Variants in BSN observed in about 807,000 individuals in gnomAD.
BSN encodes bassoon presynaptic cytomatrix protein.
Under a neutral mutation model 264.8 loss-of-function variants are expected in BSN, and 57 were observed. That is an observed-to-expected ratio of 0.22 (90% confidence interval 0.17 to 0.27). The LOEUF is 0.27. BSN is among the 10% of genes least tolerant of loss of function. BSN has a pLI of 1.00. For synonymous variants in BSN, 2,059 were observed against 2,137.3 expected (o/e 0.96, Z 1.01); for missense variants, 4,615 against 5,232.5 (o/e 0.88, Z 3.64).
At chr3:49,592,099 ATTATTTATTTAT>A (rs940216921) in intron 1 of BSN, among the ~76,000 whole-genome samples, 3 of 151,664 alleles carry the variant, frequency 2.0e-5, no homozygotes, top group Non-Finnish European at 2.9e-5. Flanking sequence ...TTATTTCTCA[ATTATTTATTTAT>A]TTATTTATTT....
chr3:49,574,193 C>T (rs1404568833), intron 1 of BSN, among the ~76,000 whole-genome samples: 5 of 142,954 alleles, frequency 3.5e-5, no homozygotes, highest in African/African-American at 1.0e-4. Flanking sequence ...GTCTTGAACT[C>T]CTGGGCTAAA....
intron 1 of BSN, among the ~76,000 whole-genome samples, chr3:49,606,514 C>G (rs1179966331): frequency 6.6e-6 from 1 of 151,000 alleles, no homozygotes; most frequent in Non-Finnish European, 1.5e-5. Flanking sequence ...TAAGGCAAGT[C>G]CTATGAATTG....
intron 1 of BSN, among the ~76,000 whole-genome samples, chr3:49,595,148 C>G (rs2052012046): frequency 4.0e-5 from 6 of 151,748 alleles, no homozygotes; most frequent in Admixed American, 3.9e-4. Context: ...CTTGACCTCC[C>G]AAAGTGCTGG....
In BSN at chr3:49,655,794, G is replaced by A. The variant is rs753119246; in HGVS notation, c.6238G>A (p.Val2080Ile). The change falls in exon 5 of 12, where the codon GTT becomes ATT. Residue 2080 changes from valine to isoleucine, a missense_variant. Val to Ile is a conservative substitution (Grantham distance 29). This residue lies in a region of BSN where 3,415 missense variants were observed against 3,866.4 expected (regional missense o/e 0.88). Coordinates refer to ENST00000296452, the MANE Select transcript of BSN (RefSeq NM_003458.4). ...DHRYGPRGDA[V>I]GFQEASLAQY... The stretch of plus-strand genomic sequence containing the variant: ...CAGGTACGGCCCACGGGGAGATGCA[G>A]TTGGCTTCCAGGAGGCCAGCCTGGC... The A allele has an allele frequency of 6.2e-7, 1 of 1,613,468 alleles. No homozygotes were observed. Among genetic ancestry groups the A allele is most frequent in the South Asian group, 1.1e-5 (1 of 91,090 alleles).
intron 2 of BSN, among the ~76,000 whole-genome samples, chr3:49,627,468 T>A (rs2108059893): frequency 6.6e-6 from 1 of 152,340 alleles, no homozygotes; most frequent in Non-Finnish European, 1.5e-5. Context: ...GCATAATTCG[T>A]GAACCAGTGC....
intron 1 of BSN, among the ~76,000 whole-genome samples, chr3:49,616,611 G>A (rs1483824225): frequency 6.6e-6 from 1 of 152,190 alleles, no homozygotes; most frequent in East Asian, 1.9e-4. Context: ...ATGCTGCCTT[G>A]TGGGGCCCAG....
At chr3:49,635,563 C>T (rs941527113) in intron 2 of BSN, among the ~76,000 whole-genome samples, 3 of 152,172 alleles carry the variant, frequency 2.0e-5, no homozygotes, top group Non-Finnish European at 4.4e-5. Flanking sequence ...CCCACAAAGC[C>T]ACTATCTGGA....
chr3:49,663,794 C>A lies in BSN; in HGVS notation c.11516C>A (p.Ala3839Glu), dbSNP rs1221553770. The A allele has an allele frequency of 1.2e-6, 2 of 1,614,020 alleles. No individual in the cohort carries two copies. The highest frequency in any genetic ancestry group is 1.7e-6 in the Non-Finnish European group (2 of 1,180,030). The change falls in exon 8 of 12, where the codon GCA (alanine) becomes GAA (glutamate). Residue 3839 changes from alanine to glutamate, a missense_variant. Ala to Glu is a moderately radical substitution (Grantham distance 107). Transcript: ENST00000296452. ...ATAGGTTCTGTGTTGCAGCCACGGG[C>A]AGAACAGACAAATGGCTCTAAAGGG... ...TGPQPAGPPR[A>E]EQTNGSKGTA...
Position 49,664,406 on chromosome 3 carries a change from G to T in BSN, c.11609-17G>T, listed in dbSNP as rs1272493287. The stretch of plus-strand genomic sequence containing the variant: ...CAGGCCGTGCATAGCTCATTATGGC[G>T]ATTTCTTTCCTCCTAGGTGTGAAGG... On this transcript the variant is annotated splice_polypyrimidine_tract_variant and intron_variant, in intron 8 of 11. Transcript: ENST00000296452. 2 of 1,613,636 alleles carry T rather than the reference G, an allele frequency of 1.2e-6. No individual in the cohort carries two copies. Among genetic ancestry groups the T allele is most frequent in the Non-Finnish European group, 1.7e-6 (2 of 1,179,980 alleles).
intron 1 of BSN, among the ~76,000 whole-genome samples, chr3:49,569,672 G>A (rs1559594063): frequency 6.6e-6 from 1 of 152,158 alleles, no homozygotes; most frequent in Non-Finnish European, 1.5e-5. Flanking sequence ...TAGAATTTAA[G>A]GCTCAGACTG....
chr3:49,658,510 C>A (rs545054309), intron 5 of BSN, among the ~76,000 whole-genome samples: 86 of 152,326 alleles, frequency 5.6e-4, no homozygotes, highest in Middle Eastern at 3.4e-3. Flanking sequence ...GCTACCTCCC[C>A]CTTTAGGCCT....
At chr3:49,600,223 C>T (rs991855641) in intron 1 of BSN, among the ~76,000 whole-genome samples, 18 of 152,254 alleles carry the variant, frequency 1.2e-4, no homozygotes, top group African/African-American at 4.1e-4. Context: ...CCTTGAAGAA[C>T]CAGGCCTTGA....
Position 49,651,005 on chromosome 3 carries a change from G to A in BSN, c.1912G>A (p.Gly638Arg), listed in dbSNP as rs926478516. ...PTPATPKVKS[G>R]VRRAEPATPV... is the part of the protein sequence containing the mutation. The stretch of plus-strand genomic sequence containing the variant: ...CCCTGCGACTCCTAAAGTAAAGAGT[G>A]GGGTGAGGAGGGCTGAACCTGCCAC... Residue 638 changes from glycine (G) to arginine (R), a missense_variant, in exon 4 of 12, where the codon GGG (glycine) becomes AGG (arginine). By Grantham distance (125) the Gly-to-Arg change is moderately radical. This residue lies in a region of BSN where 1,197 missense variants were observed against 1,348.0 expected (regional missense o/e 0.89). Transcript: ENST00000296452. The surrounding 1 kb of genome is among the most constrained non-coding windows in gnomAD (Gnocchi z 5.4). 9 of 1,613,842 alleles carry A rather than the reference G, an allele frequency of 5.6e-6. No individual in the cohort carries two copies. Among genetic ancestry groups the A allele is most frequent in the African/African-American group, 2.7e-5 (2 of 74,916 alleles).
chr3:49,651,259 G>A lies in BSN; in HGVS notation c.1986+180G>A. 1.5e-6 allele frequency: 1 copy of A among 670,902 alleles called. No individual in the cohort carries two copies. Among genetic ancestry groups the A allele is most frequent in the Non-Finnish European group, 2.4e-6 (1 of 410,522 alleles). 41.6% of individuals were successfully genotyped at this position (670,902 alleles called of 1,614,324 possible). A position where few individuals can be genotyped will look rare whatever the true frequency, so the allele number is the denominator to read the frequency against. On this transcript the variant is annotated intron_variant, in intron 4 of 11. Transcript: ENST00000296452. This position sits in a 1 kb window ranked among gnomAD's most constrained non-coding sequence, Gnocchi z 5.4. ...GGTTCTGGCACGCTTGGAGACTGTG[G>A]GTTTTACACTGGTGCTGTGTCTGGC...
chr3:49,563,753 T>C (rs987518410), intron 1 of BSN, among the ~76,000 whole-genome samples: 1 of 152,210 alleles, frequency 6.6e-6, no homozygotes, highest in Admixed American at 6.5e-5. Flanking sequence ...CCCCAACAAA[T>C]GCCAGAATGT....
intron 1 of BSN, among the ~76,000 whole-genome samples, chr3:49,562,661 T>A (rs2051722886): frequency 6.6e-6 from 1 of 152,180 alleles, no homozygotes; most frequent in African/African-American, 2.4e-5. Context: ...CTAGCAGACT[T>A]TAGCAAACCA....
At chr3:49,614,113 G>T (rs141735257) in intron 1 of BSN, among the ~76,000 whole-genome samples, 1,665 of 141,070 alleles carry the variant, frequency 0.012, 36 homozygotes, top group African/African-American at 0.041. Context: ...AGGCCAGAGT[G>T]CAGTGGCTTG....
At chr3:49,615,052 C>G (rs2052249180) in intron 1 of BSN, among the ~76,000 whole-genome samples, 1 of 152,196 alleles carries the variant, frequency 6.6e-6, no homozygotes, top group South Asian at 2.1e-4. Context: ...TTGTCACATT[C>G]TCCCCTTGCT....
At chr3:49,620,467 CAAAG>C (rs936795993) in intron 1 of BSN, among the ~76,000 whole-genome samples, 1 of 149,332 alleles carries the variant, frequency 6.7e-6, no homozygotes, top group Non-Finnish European at 1.5e-5. Flanking sequence ...AAAAAAAAAA[CAAAG>C]AACAGCAAAT....
Sources: allele counts gnomAD v4.1 joint callset (sites outside exome capture counted in the v4.1 genomes callset), GRCh38; gene constraint gnomAD v4.1.1; regional missense constraint gnomAD v4.1.1; non-coding constraint Gnocchi (gnomAD v3.1); transcripts MANE v1.5; gene names NCBI Gene and HGNC (gene_info 2026-07-23, HGNC 2026-07-21).